GULP1: variants seen among roughly 807,000 people sequenced by gnomAD.
GULP1 encodes PTB domain-containing engulfment adapter protein 1.
Under a neutral mutation model 40.9 loss-of-function variants are expected in GULP1, and 19 were observed. The ratio of observed to expected loss-of-function variants is 0.46; its 90% confidence interval spans 0.32 to 0.68. GULP1 has a LOEUF of 0.68. Ranked by LOEUF, GULP1 falls within the 30% of genes least tolerant of loss-of-function variation. The pLI is 0.03. For synonymous variants in GULP1, 119 were observed against 117.6 expected, an observed-to-expected ratio of 1.01 and a Z score of -0.08; for missense variants, 312 against 362.2, an observed-to-expected ratio of 0.86 and a Z score of 1.12.
chr2:188,388,453 G>A (rs1314549330), intron 2 of GULP1, among the ~76,000 whole-genome samples: 1 of 151,910 alleles, frequency 6.6e-6, no homozygotes, highest in Non-Finnish European at 1.5e-5. Context: ...TGAAGTGGGA[G>A]GATCACTTGA....
At chr2:188,579,428 G>T (rs1559400707) in intron 9 of GULP1, among the ~76,000 whole-genome samples, 2 of 151,852 alleles carry the variant, frequency 1.3e-5, no homozygotes, top group Non-Finnish European at 1.5e-5. Context: ...AGTTGTACAT[G>T]TTTGTGGGTA....
rs1009147542 is a variant in GULP1 at position 188,364,346 on chromosome 2, G to A, written c.-171-19417G>A. On this transcript the variant is annotated intron_variant, in intron 1 of 11. Transcript: ENST00000409830. Reference sequence around the variant, plus strand: ...AGGAGGTCTGTGGAGAGAATTCACAGTGGAAAGTGAAGATTTTTAATTCCA... The same window carrying A: ...AGGAGGTCTGTGGAGAGAATTCACAATGGAAAGTGAAGATTTTTAATTCCA... Among the ~76,000 whole-genome samples the A allele has an allele frequency of 3.9e-5, 6 of 152,208 alleles. No individual in the cohort carries two copies. The East Asian group carries it at 1.2e-3, about 29-fold the overall frequency.
rs754155598 is a variant in GULP1, at chr2:188,582,523, C to T, written c.610-1742C>T. On this transcript the variant is annotated intron_variant, in intron 9 of 11. Transcript: ENST00000409830. ...TAATACCACCACCTTCTAAATGTGG[C>T]TTTCCCAAGCCAGTCAGTGAGAGCA... 6 of 471,246 alleles carry T rather than the reference C, an allele frequency of 1.3e-5. 1 individual carries two copies. The highest frequency in any genetic ancestry group is 9.3e-5 in the South Asian group (6 of 64,572). 29.2% of individuals were successfully genotyped at this position (471,246 alleles called of 1,614,324 possible). A position where few individuals can be genotyped will look rare whatever the true frequency, so the allele number is the denominator to read the frequency against.
intron 9 of GULP1, among the ~76,000 whole-genome samples, chr2:188,573,705 C>G (rs1699590993): frequency 6.6e-6 from 1 of 151,960 alleles, no homozygotes. Flanking sequence ...TGAGTAAGTT[C>G]TCATCAGTTT....
chr2:188,406,849 C>T (rs1161853480), intron 2 of GULP1, among the ~76,000 whole-genome samples: 1 of 151,850 alleles, frequency 6.6e-6, no homozygotes, highest in Non-Finnish European at 1.5e-5. Flanking sequence ...AAGAAAAAGA[C>T]AAAGGGGAAG....
At chr2:188,576,356 A>G (rs1042789767) in intron 9 of GULP1, among the ~76,000 whole-genome samples, 9 of 152,126 alleles carry the variant, frequency 5.9e-5, no homozygotes, top group African/African-American at 2.2e-4. Context: ...CTAGCTAAAG[A>G]AAATAATATG....
At chr2:188,515,412 A>T (rs539186556) in intron 4 of GULP1, among the ~76,000 whole-genome samples, 1 of 152,118 alleles carries the variant, frequency 6.6e-6, no homozygotes, top group Non-Finnish European at 1.5e-5. Flanking sequence ...TCCCGAATCC[A>T]CATGTTCTCT....
chr2:188,568,052 C>T (rs1292682220), intron 7 of GULP1, among the ~76,000 whole-genome samples: 11 of 151,810 alleles, frequency 7.2e-5, no homozygotes, highest in Non-Finnish European at 2.9e-5. Context: ...AAACAGTCTT[C>T]CTTTAAAATA....
At chr2:188,419,824 C>T (rs1028401867) in intron 2 of GULP1, among the ~76,000 whole-genome samples, 8 of 152,042 alleles carry the variant, frequency 5.3e-5, no homozygotes, top group Non-Finnish European at 1.5e-5. Flanking sequence ...AGGAGTTTAA[C>T]AATTTTGAGT....
At chr2:188,441,688 G>A (rs1428050012) in intron 2 of GULP1, among the ~76,000 whole-genome samples, 6 of 152,160 alleles carry the variant, frequency 3.9e-5, no homozygotes, top group Admixed American at 6.5e-5. Context: ...AGAAAAGAGA[G>A]GCCTGATGCT....
At chr2:188,319,492 A>T (rs2106556785) in intron 1 of GULP1, among the ~76,000 whole-genome samples, 1 of 152,228 alleles carries the variant, frequency 6.6e-6, no homozygotes, top group South Asian at 2.1e-4. Context: ...AAATAAAGAG[A>T]TTTGATTTTA....
At chr2:188,515,431 C>A (rs922938374) in intron 4 of GULP1, among the ~76,000 whole-genome samples, 6 of 152,144 alleles carry the variant, frequency 3.9e-5, no homozygotes, top group African/African-American at 1.4e-4. Flanking sequence ...CTTCAGAATT[C>A]TTCTTCCTCA....
chr2:188,339,273 G>A (rs1222618816), intron 1 of GULP1, among the ~76,000 whole-genome samples: 5 of 152,152 alleles, frequency 3.3e-5, no homozygotes, highest in African/African-American at 1.2e-4. Flanking sequence ...TTAGACTTAT[G>A]CAGATTTAGG....
At chr2:188,427,689 T>A (rs1295550202) in intron 2 of GULP1, among the ~76,000 whole-genome samples, 1 of 152,216 alleles carries the variant, frequency 6.6e-6, no homozygotes, top group Non-Finnish European at 1.5e-5. Flanking sequence ...AGCCTCTGCC[T>A]AGATTTCAGA....
At chr2:188,475,699 C>G (rs187222712) in intron 2 of GULP1, among the ~76,000 whole-genome samples, 72 of 151,980 alleles carry the variant, frequency 4.7e-4, no homozygotes, top group Non-Finnish European at 8.1e-4. Flanking sequence ...TCTTTTTCTA[C>G]TAGTTTATTT....
chr2:188,319,296 T>A (rs1279068754), intron 1 of GULP1, among the ~76,000 whole-genome samples: 1 of 152,192 alleles, frequency 6.6e-6, no homozygotes, highest in Non-Finnish European at 1.5e-5. Context: ...AAAATAGGAA[T>A]GTTTACCTTC....
At chr2:188,433,236 G>A (rs1456087043) in intron 2 of GULP1, among the ~76,000 whole-genome samples, 3 of 151,954 alleles carry the variant, frequency 2.0e-5, no homozygotes, top group African/African-American at 7.3e-5. Context: ...TGCTCCAAAG[G>A]GGGTCATTCT....
At position 188,524,627 on chromosome 2, in the gene GULP1, T is replaced by A. The variant is rs908244384; in HGVS notation, c.162+1800T>A. On this transcript the variant is annotated intron_variant, in intron 5 of 11. Coordinates refer to ENST00000409830, the MANE Select transcript of GULP1 (RefSeq NM_016315.4). ...ATATTTTTTTTTTGCTTTTTTTGTG[T>A]GTCAAGGGTCAGAAGCTACAATTCA... Among the ~76,000 whole-genome samples, 7 of 151,064 alleles carry A rather than the reference T, an allele frequency of 4.6e-5. No individual in the cohort carries two copies. In the East Asian group the frequency reaches 1.4e-3, roughly 29 times the overall value.
chr2:188,558,745 A>G (rs1695495240), intron 7 of GULP1, among the ~76,000 whole-genome samples: 1 of 152,182 alleles, frequency 6.6e-6, no homozygotes, highest in Non-Finnish European at 1.5e-5. Flanking sequence ...TCAGATGGAG[A>G]TGAGGAACTT....
Sources: allele counts gnomAD v4.1 joint callset (sites outside exome capture counted in the v4.1 genomes callset), GRCh38; gene constraint gnomAD v4.1.1; transcripts MANE v1.5; gene names NCBI Gene and HGNC (gene_info 2026-07-23, HGNC 2026-07-21).